DLG2: variants seen among roughly 807,000 people sequenced by gnomAD.
DLG2 encodes discs large MAGUK scaffold protein 2, also known as disks large homolog 2.
In DLG2, 45 loss-of-function variants were observed where a neutral mutation model predicts 132.5. That is an observed-to-expected ratio of 0.34 (90% CI 0.27 to 0.44). The LOEUF (loss-of-function observed/expected upper bound fraction) is 0.44. Ranked by LOEUF, DLG2 falls within the 20% of genes least tolerant of loss-of-function variation. DLG2 has a pLI of 1.00. For synonymous variants in DLG2, 424 were observed against 419.6 expected (o/e 1.01, Z -0.13); for missense variants, 1,045 against 1,196.9 (o/e 0.87, Z 1.87).
At chr11:85,106,804 C>T (rs2071830018) in intron 6 of DLG2, among the ~76,000 whole-genome samples, 1 of 151,946 alleles carries the variant, frequency 6.6e-6, no homozygotes, top group Non-Finnish European at 1.5e-5. Flanking sequence ...TACTTTAACA[C>T]AAATTTCATT....
chr11:85,164,335 T>C (rs183720105), intron 4 of DLG2, among the ~76,000 whole-genome samples: 6 of 152,218 alleles, frequency 3.9e-5, no homozygotes, highest in Admixed American at 1.3e-4. Context: ...TGGTCTCCTA[T>C]AGTCATATTT....
chr11:84,190,210 T>C (rs1005526473), intron 8 of DLG2, among the ~76,000 whole-genome samples: 7 of 151,532 alleles, frequency 4.6e-5, no homozygotes, highest in African/African-American at 7.3e-5. Context: ...AGAGTAAGTA[T>C]ACTCTAGAAG....
chr11:85,428,520 T>C (rs1267279532), intron 3 of DLG2, among the ~76,000 whole-genome samples: 3 of 152,146 alleles, frequency 2.0e-5, no homozygotes, highest in African/African-American at 4.8e-5. Flanking sequence ...CCTGCTCCTG[T>C]ATGACTACTG....
At chr11:85,359,634 A>G (rs1412392567) in intron 3 of DLG2, among the ~76,000 whole-genome samples, 1 of 152,212 alleles carries the variant, frequency 6.6e-6, no homozygotes, top group Non-Finnish European at 1.5e-5. Flanking sequence ...ATTGTTTAAC[A>G]TGGTTGTAAT....
intron 6 of DLG2, among the ~76,000 whole-genome samples, chr11:84,770,644 T>TTC (rs2069180538): frequency 1.7e-5 from 1 of 59,300 alleles, no homozygotes; most frequent in Admixed American, 2.0e-4. Context: ...GATTTCATTC[T>TTC]TTTTTTTTTT....
chr11:84,892,878 T>TA (rs1445525987), intron 6 of DLG2, among the ~76,000 whole-genome samples: 2 of 151,796 alleles, frequency 1.3e-5, no homozygotes, highest in African/African-American at 2.4e-5. Context: ...CATCATACAC[T>TA]AAAACAGAGG....
At chr11:84,641,013 A>G (rs2099661589) in intron 6 of DLG2, among the ~76,000 whole-genome samples, 1 of 152,182 alleles carries the variant, frequency 6.6e-6, no homozygotes, top group South Asian at 2.1e-4. Context: ...CATTTAAAAA[A>G]TAAACAAAAT....
At chr11:83,581,692 C>T (rs991438423) in intron 19 of DLG2, among the ~76,000 whole-genome samples, 15 of 152,136 alleles carry the variant, frequency 9.9e-5, no homozygotes, top group Admixed American at 2.0e-4. Flanking sequence ...AGTTTTGAAA[C>T]GATATAACAT....
intron 6 of DLG2, among the ~76,000 whole-genome samples, chr11:85,027,329 T>A (rs943125151): frequency 3.3e-5 from 5 of 150,672 alleles, no homozygotes; most frequent in African/African-American, 7.5e-5. Flanking sequence ...GGTTATTCGA[T>A]TTTTTTTGTT....
intron 18 of DLG2, among the ~76,000 whole-genome samples, chr11:83,766,489 G>C (rs1235694631): frequency 6.7e-6 from 1 of 150,222 alleles, no homozygotes; most frequent in East Asian, 2.0e-4. Context: ...ATTCCACTGT[G>C]TTCCTCCTTC....
intron 7 of DLG2, among the ~76,000 whole-genome samples, chr11:84,491,625 A>G (rs1241556458): frequency 6.6e-6 from 1 of 152,150 alleles, no homozygotes; most frequent in Non-Finnish European, 1.5e-5. Flanking sequence ...GCCATTAAGA[A>G]ACCAATTTTA....
At chr11:84,143,675 A>C (rs2094950098) in intron 9 of DLG2, among the ~76,000 whole-genome samples, 1 of 152,126 alleles carries the variant, frequency 6.6e-6, no homozygotes, top group African/African-American at 2.4e-5. Context: ...AAATAATTTC[A>C]GTTTTTCCTA....
intron 21 of DLG2, among the ~76,000 whole-genome samples, chr11:83,524,898 G>C (rs73522624): frequency 0.03 from 4,521 of 152,208 alleles, 229 homozygotes; most frequent in African/African-American, 0.1. Flanking sequence ...GTAAACATGA[G>C]TATGTGTGTG....
chr11:84,547,107 T>C (rs1244107904), intron 6 of DLG2, among the ~76,000 whole-genome samples: 2 of 152,094 alleles, frequency 1.3e-5, no homozygotes, highest in African/African-American at 2.4e-5. Flanking sequence ...CAAGATTTTT[T>C]AGAAAGCCAA....
At chr11:83,503,366 CATTTATATATATATATATATATATATAT>C (rs1374853743) in intron 21 of DLG2, among the ~76,000 whole-genome samples, 8 of 47,066 alleles carry the variant, frequency 1.7e-4, no homozygotes, top group African/African-American at 3.3e-4. Context: ...CACACACACC[CATTTATATATATATATATATATATATAT>C]ATATATATAT....
intron 3 of DLG2, among the ~76,000 whole-genome samples, chr11:85,381,713 T>C (rs139455807): frequency 4.5e-3 from 692 of 152,190 alleles, no homozygotes; most frequent in Non-Finnish European, 8.0e-3. Context: ...ATACTAGCAA[T>C]GAACAGTCCA....
intron 3 of DLG2, among the ~76,000 whole-genome samples, chr11:85,305,398 G>C (rs527695450): frequency 1.1e-4 from 16 of 152,290 alleles, no homozygotes; most frequent in Non-Finnish European, 4.4e-5. Context: ...TGTCACCAAC[G>C]AAACAGTAAA....
chr11:84,286,841 C>T (rs2097914647), intron 7 of DLG2, among the ~76,000 whole-genome samples: 2 of 152,106 alleles, frequency 1.3e-5, no homozygotes, highest in Admixed American at 1.3e-4. Flanking sequence ...TTTACTGTTA[C>T]CAAAGGCTGG....
chr11:85,467,706 G>A (rs534840013), intron 3 of DLG2, among the ~76,000 whole-genome samples: 1 of 152,282 alleles, frequency 6.6e-6, no homozygotes, highest in South Asian at 2.1e-4. Context: ...CCTGAATTCA[G>A]TTTGCCAGTA....
Sources: allele counts gnomAD v4.1 joint callset (sites outside exome capture counted in the v4.1 genomes callset), GRCh38; gene constraint gnomAD v4.1.1; transcripts MANE v1.5; gene names NCBI Gene and HGNC (gene_info 2026-07-23, HGNC 2026-07-21).